The following ALG11 variants were observed in gnomAD, a reference collection of about 807,000 sequenced individuals.
The protein encoded by ALG11 is ALG11 alpha-1,2-mannosyltransferase.
In ALG11, 26 loss-of-function variants were observed where a neutral mutation model predicts 38.8. That is an observed-to-expected ratio of 0.67 (90% CI 0.49 to 0.93). ALG11 has a LOEUF of 0.93. Ranked by LOEUF, ALG11 falls within the 40% of genes least tolerant of loss-of-function variation. The probability of loss-of-function intolerance (pLI) is 0.00; values close to 1 mark genes in which losing one functional copy is unlikely to be tolerated. For synonymous variants in ALG11, 199 were observed against 211.6 expected (o/e 0.94, Z 0.52); for missense variants, 535 against 578.8 (o/e 0.92, Z 0.78).
At chr13:52,015,066 A>G (rs1954123907) in intron 1 of ALG11, among the ~76,000 whole-genome samples, 2 of 152,302 alleles carry the variant, frequency 1.3e-5, no homozygotes, top group South Asian at 4.1e-4. Context: ...CACAATAGGA[A>G]ATCCCACATG....
rs1185669495 is a variant in ALG11, at chr13:52,031,821, TTC to T, written c.*3233_*3234del. Reference sequence around the variant, plus strand: ...TGACACTAAAGCTGCTCCTTTATCTTTCTGAGTCTCAGATTCTTCATCTGTAA... The same window carrying T: ...TGACACTAAAGCTGCTCCTTTATCTTTGAGTCTCAGATTCTTCATCTGTAA... On this transcript the variant is annotated 3_prime_UTR_variant, in exon 4 of 4. Coordinates refer to ENST00000521508, the MANE Select transcript of ALG11 (RefSeq NM_001004127.3). 6.0e-6 allele frequency: 1 copy of T among 167,128 alleles called. No individual in the cohort carries two copies. Among genetic ancestry groups the T allele is most frequent in the East Asian group, 1.9e-4 (1 of 5,202 alleles). The allele number at this position is 167,128 out of a possible 1,614,324, so 10.4% of individuals were successfully genotyped here. A position where few individuals can be genotyped will look rare whatever the true frequency, so the allele number is the denominator to read the frequency against.
rs1409839909 is a variant in ALG11 at position 52,029,104 on chromosome 13, C to T, written c.*514C>T. 1.2e-6 allele frequency: 2 copies of T among 1,613,982 alleles called. No individual in the cohort carries two copies. Among genetic ancestry groups the T allele is most frequent in the Non-Finnish European group, 1.7e-6 (2 of 1,180,038 alleles). On this transcript the variant is annotated 3_prime_UTR_variant, in exon 4 of 4. Coordinates refer to ENST00000521508, the MANE Select transcript of ALG11 (RefSeq NM_001004127.3). Reference sequence around the variant, plus strand: ...CCGTTAAAACTTCATCTTCTTTGGCCACTGTAAAAAAGCAACTGAATAGAG... The same window carrying T: ...CCGTTAAAACTTCATCTTCTTTGGCTACTGTAAAAAAGCAACTGAATAGAG...
At chr13:52,019,951 G>C (rs1371122273) in intron 2 of ALG11, among the ~76,000 whole-genome samples, 1 of 152,134 alleles carries the variant, frequency 6.6e-6, no homozygotes, top group African/African-American at 2.4e-5. Context: ...AAGAAAGAAA[G>C]AAATGGACAG....
chr13:52,030,425 A>G lies in ALG11; in HGVS notation c.*1835A>G. The G allele has an allele frequency of 6.2e-7, 1 of 1,614,228 alleles. No homozygotes were observed. Among genetic ancestry groups the G allele is most frequent in the Non-Finnish European group, 8.5e-7 (1 of 1,180,044 alleles). ...AGGACAGCAGTCAGAGAGGACCCCAAATAATCGGCCTGATGCCCCTAAGGA... is the reference window on the plus strand; with the variant it reads ...AGGACAGCAGTCAGAGAGGACCCCAGATAATCGGCCTGATGCCCCTAAGGA... On this transcript the variant is annotated 3_prime_UTR_variant, in exon 4 of 4. Transcript: ENST00000521508.
Position 52,024,676 on chromosome 13 carries a change from C to G in ALG11, c.946C>G (p.Pro316Ala), listed in dbSNP as rs765431074. ...CCAGTTTAGGCCGGAAAAGAATCAT[C>G]CATTGCAGATCAGAGCCTTTGCTAA... Reference protein sequence around the residue: ...VGQFRPEKNHPLQIRAFAKLL... With the variant: ...VGQFRPEKNHALQIRAFAKLL... The change falls in exon 3 of 4, where the codon CCA (proline) becomes GCA (alanine). Residue 316 changes from proline to alanine, a missense_variant. By Grantham distance (27) the Pro-to-Ala change is conservative. Transcript: ENST00000521508. 1 of 1,614,040 alleles carries G rather than the reference C, an allele frequency of 6.2e-7. No individual in the cohort carries two copies. The highest frequency in any genetic ancestry group is 8.5e-7 in the Non-Finnish European group (1 of 1,180,014).
Position 52,024,664 on chromosome 13 carries a change from GA to G in ALG11, c.938del (p.Lys313ArgfsTer14), listed in dbSNP as rs1311485408. The G allele has an allele frequency of 1.2e-6, 2 of 1,614,106 alleles. No homozygotes were observed. The highest frequency in any genetic ancestry group is 3.3e-5 in the Admixed American group (2 of 60,006). ...GGTTTCTGTTGGCCAGTTTAGGCCG[GA>G]AAAGAATCATCCATTGCAGATCAGA... The part of the protein sequence containing the change: ...LLVSVGQFRP[E>X]KNHPLQIRAF... On this transcript the variant is annotated frameshift_variant, in exon 3 of 4. Coordinates refer to ENST00000521508, the MANE Select transcript of ALG11 (RefSeq NM_001004127.3). LOFTEE classifies it high-confidence loss of function.
rs138196298 is a variant in ALG11 at position 52,025,514 on chromosome 13, A to T, written c.1207+577A>T. 5.9e-3 allele frequency among the ~76,000 whole-genome samples: 899 copies of T among 152,344 alleles called. 10 individuals carry two copies. Among genetic ancestry groups the T allele is most frequent in the African/African-American group, 0.021 (854 of 41,576 alleles). On this transcript the variant is annotated intron_variant, in intron 3 of 3. Coordinates refer to ENST00000521508, the MANE Select transcript of ALG11 (RefSeq NM_001004127.3). The stretch of plus-strand genomic sequence containing the variant: ...TCAAAAGTTGAGAACCACTGTTTGC[A>T]TAGGGGCTTCTCACAGTAACTCTTT...
intron 1 of ALG11, among the ~76,000 whole-genome samples, chr13:52,015,317 G>A (rs926111024): frequency 5.3e-5 from 8 of 152,164 alleles, no homozygotes; most frequent in Non-Finnish European, 1.2e-4. Flanking sequence ...GAGGCAGGAG[G>A]ATCGCTTGAG....
At chr13:52,017,541 TAATG>T (rs1320859701) in intron 1 of ALG11, 1 of 162,856 alleles carries the variant, frequency 6.1e-6, no homozygotes, top group Non-Finnish European at 1.3e-5. Context: ...ATTCTCATAA[TAATG>T]AATAAGTCTC....
In ALG11 at chr13:52,024,561, T is replaced by G. The variant is rs776577304; in HGVS notation, c.831T>G (p.Ile277Met). The G allele has an allele frequency of 3.7e-6, 6 of 1,614,108 alleles. No individual in the cohort carries two copies. The African/African-American group carries it at 8.0e-5, about 22-fold the overall frequency. ...SLWKVGNCTN[I>M]VYPPCDVQTF... is the part of the protein sequence containing the mutation. ...GGAAAGTTGGGAATTGCACTAACATTGTTTATCCACCTTGTGATGTGCAGA... is the reference window on the plus strand; with the variant it reads ...GGAAAGTTGGGAATTGCACTAACATGGTTTATCCACCTTGTGATGTGCAGA... Residue 277 changes from isoleucine to methionine, a missense_variant, in exon 3 of 4, where the codon ATT becomes ATG. Physicochemically the swap from Ile to Met is conservative, Grantham distance 10. Transcript: ENST00000521508.
chr13:52,028,380 G>T lies in ALG11; in HGVS notation c.1269G>T (p.Lys423Asn). 1 of 1,614,136 alleles carries T rather than the reference G, an allele frequency of 6.2e-7. No individual in the cohort carries two copies. The highest frequency in any genetic ancestry group is 8.5e-7 in the Non-Finnish European group (1 of 1,180,032). ...TTGCACACAATTCGGGGGGCCCAAA[G>T]CTTGACATTGTGGTTCCTCACGAAG... ...IILAHNSGGP[K>N]LDIVVPHEGD... Residue 423 changes from lysine to asparagine, a missense_variant, in exon 4 of 4, where the codon AAG becomes AAT. Coordinates refer to ENST00000521508, the MANE Select transcript of ALG11 (RefSeq NM_001004127.3).
rs1243262080 is a variant in ALG11, at chr13:52,033,258, G to T, written c.*4668G>T. On this transcript the variant is annotated 3_prime_UTR_variant, in exon 4 of 4. Coordinates refer to ENST00000521508, the MANE Select transcript of ALG11 (RefSeq NM_001004127.3). Reference sequence around the variant, plus strand: ...TTAATTCCTCTCAGATGTCATTTTTGAGTGGTCCAAGCCTGCTGTTTTGAA... The same window carrying T: ...TTAATTCCTCTCAGATGTCATTTTTTAGTGGTCCAAGCCTGCTGTTTTGAA... The T allele has an allele frequency of 6.0e-6, 1 of 166,988 alleles. No individual in the cohort carries two copies. Among genetic ancestry groups the T allele is most frequent in the Non-Finnish European group, 1.5e-5 (1 of 68,108 alleles). The allele number at this position is 166,988 out of a possible 1,614,324, so 10.3% of individuals were successfully genotyped here.
Position 52,019,081 on chromosome 13 carries a change from C to T in ALG11, c.213C>T (p.Tyr71=), listed in dbSNP as rs1198834470. The change falls in exon 2 of 4, where the codon TAC becomes TAT. Residue 71 remains tyrosine, a synonymous_variant. Transcript: ENST00000521508. ...TGGTGATTGCATTTTTTCATCCATA[C>T]TGCAATGCTGGTGGAGGAGGAGAAA... ...NQMVIAFFHP[Y]CNAGGGGERV... The T allele has an allele frequency of 3.1e-6, 5 of 1,613,944 alleles. No homozygotes were observed. In the African/African-American group the frequency reaches 4.0e-5, roughly 13 times the overall value.
Position 52,024,553 on chromosome 13 carries a change from A to G in ALG11, c.823A>G (p.Thr275Ala), listed in dbSNP as rs1401571024. 6.2e-7 allele frequency: 1 copy of G among 1,614,232 alleles called. No homozygotes were observed. The highest frequency in any genetic ancestry group is 1.7e-5 in the Admixed American group (1 of 60,032). Reference sequence around the variant, plus strand: ...CTCACTATGGAAAGTTGGGAATTGCACTAACATTGTTTATCCACCTTGTGA... The same window carrying G: ...CTCACTATGGAAAGTTGGGAATTGCGCTAACATTGTTTATCCACCTTGTGA... ...ILSLWKVGNC[T>A]NIVYPPCDVQ... is the part of the protein sequence containing the mutation. The change falls in exon 3 of 4, where the codon ACT (threonine) becomes GCT (alanine). Residue 275 changes from threonine (T) to alanine (A), a missense_variant. Thr to Ala is a moderately conservative substitution (Grantham distance 58). Coordinates refer to ENST00000521508, the MANE Select transcript of ALG11 (RefSeq NM_001004127.3).
rs1954080459 is a variant in ALG11, at chr13:52,012,536, A to G, written c.44+74A>G. ...GTACTTGCCCGTCCAGTGTAGCTAA[A>G]TTTTGCGGGCAAATGGCCTTCCTTG... On this transcript the variant is annotated intron_variant, in intron 1 of 3. Coordinates refer to ENST00000521508, the MANE Select transcript of ALG11 (RefSeq NM_001004127.3). 1.9e-6 allele frequency: 3 copies of G among 1,606,792 alleles called. No homozygotes were observed. The East Asian group carries it at 6.7e-5, about 36-fold the overall frequency.
Position 52,028,644 on chromosome 13 carries a change from T to C in ALG11, c.*54T>C. 4 of 1,567,436 alleles carry C rather than the reference T, an allele frequency of 2.6e-6. No individual in the cohort carries two copies. Among genetic ancestry groups the C allele is most frequent in the Non-Finnish European group, 3.5e-6 (4 of 1,144,662 alleles). ...TATATAAACTGGTTAAACACCTTCATATGTAAATATTTTTCTAAATTCAAT... is the reference window on the plus strand; with the variant it reads ...TATATAAACTGGTTAAACACCTTCACATGTAAATATTTTTCTAAATTCAAT... On this transcript the variant is annotated 3_prime_UTR_variant, in exon 4 of 4. Transcript: ENST00000521508.
chr13:52,015,538 T>C (rs779409383), intron 1 of ALG11, among the ~76,000 whole-genome samples: 2 of 152,158 alleles, frequency 1.3e-5, no homozygotes, highest in African/African-American at 2.4e-5. Flanking sequence ...AATGCCCACA[T>C]GTTGTGGGAG....
chr13:52,022,658 C>G (rs530197908), intron 2 of ALG11: 1 of 152,050 alleles, frequency 6.6e-6, no homozygotes, highest in Non-Finnish European at 1.5e-5. Context: ...CTCCATACCC[C>G]CAAAACCTGG....
Position 52,030,329 on chromosome 13 carries a change from C to G in ALG11, c.*1739C>G. On this transcript the variant is annotated 3_prime_UTR_variant, in exon 4 of 4. Coordinates refer to ENST00000521508, the MANE Select transcript of ALG11 (RefSeq NM_001004127.3). ...ACAGAGGTCAGAGAGAGTACAAACT[C>G]TGGAAGAGCTAGAAGAGCTGGGAAA... is the stretch of plus-strand genomic sequence containing the variant. 1.9e-6 allele frequency: 3 copies of G among 1,614,154 alleles called. No individual in the cohort carries two copies. The highest frequency in any genetic ancestry group is 1.7e-6 in the Non-Finnish European group (2 of 1,180,030).
Sources: gnomAD v4.1 joint callset for allele counts (sites outside exome capture counted in the v4.1 genomes callset) on GRCh38, gnomAD v4.1.1 for gene constraint, MANE v1.5 for transcripts, NCBI Gene and HGNC (gene_info 2026-07-23, HGNC 2026-07-21) for gene names.